CFAP47: variants seen among roughly 807,000 people sequenced by gnomAD.
CFAP47 encodes the protein cilia- and flagella-associated protein 47.
CFAP47 carries 29 observed loss-of-function variants against 148.1 expected under a neutral mutation model. The ratio of observed to expected loss-of-function variants is 0.20; its 90% CI spans 0.15 to 0.27. CFAP47 has a LOEUF of 0.27. Ranked by LOEUF, CFAP47 falls within the 10% of genes least tolerant of loss-of-function variation. CFAP47 has a pLI of 1.00. For synonymous variants in CFAP47, 664 were observed against 577.3 expected (o/e 1.15, Z -2.15); for missense variants, 1,872 against 1,697.5 (o/e 1.10, Z -1.81).
intron 37 of CFAP47, 118 bp from the exon 38 acceptor site, chrX:36,159,308 G>C (rs925897557): frequency 3.5e-6 from 1 of 289,674 alleles, no homozygotes; most frequent in Non-Finnish European, 6.1e-6. Context: ...GATAACTGCA[G>C]CTGAAGTGAG....
chrX:36,118,787 C>T (rs1303828559), intron 33 of CFAP47, among the ~76,000 whole-genome samples: 1 of 111,876 alleles, frequency 8.9e-6, no homozygotes, highest in Non-Finnish European at 1.9e-5. Context: ...AAACATTTTA[C>T]ATCTTTAGTT....
At position 36,236,928 on chromosome X, in the gene CFAP47, TACAA is replaced by T. The variant is rs1420912924; in HGVS notation, c.7332+74_7332+77del. ...AGTGAATCACATGAAATATAATAAT[TACAA>T]ACAATTTTTTAAACATTTAGTTTTA... On this transcript the variant is annotated intron_variant, in intron 48 of 63. Coordinates refer to ENST00000378653, the MANE Select transcript of CFAP47 (RefSeq NM_001304548.2). The T allele has an allele frequency of 7.3e-6, 3 of 410,038 alleles. No homozygotes were observed. The African/African-American group carries it at 7.8e-5, about 11-fold the overall frequency. The allele number at this position is 410,038 out of a possible 1,213,427, so 33.8% of individuals were successfully genotyped here. A position where few individuals can be genotyped will look rare whatever the true frequency, so the allele number is the denominator to read the frequency against.
chrX:36,067,731 T>G (rs183182623), intron 27 of CFAP47, among the ~76,000 whole-genome samples: 4 of 106,406 alleles, frequency 3.8e-5, no homozygotes, highest in Non-Finnish European at 3.9e-5. Context: ...GGCATGATCT[T>G]GGCTCACTGC....
At chrX:36,171,016 G>T (rs771835702) in intron 39 of CFAP47, among the ~76,000 whole-genome samples, 22 of 111,204 alleles carry the variant, frequency 2.0e-4, no homozygotes, top group African/African-American at 6.6e-4. Flanking sequence ...GTATCTCATT[G>T]TGGTTTTGAT....
At chrX:36,042,093 G>A (rs1041070024) in intron 25 of CFAP47, among the ~76,000 whole-genome samples, 1 of 111,030 alleles carries the variant, frequency 9.0e-6, no homozygotes, top group Non-Finnish European at 1.9e-5. Flanking sequence ...AAAGGTATGT[G>A]ATATAATTTT....
At chrX:35,948,665 T>C (rs1936119638) in intron 4 of CFAP47, among the ~76,000 whole-genome samples, 1 of 111,596 alleles carries the variant, frequency 9.0e-6, no homozygotes, top group Admixed American at 9.6e-5. Flanking sequence ...ATCTTCTATT[T>C]TGAATTTCAT....
intron 33 of CFAP47, among the ~76,000 whole-genome samples, chrX:36,114,942 G>T (rs1938615304): frequency 8.9e-6 from 1 of 112,127 alleles, no homozygotes; most frequent in African/African-American, 3.2e-5. Context: ...AGTGGTGGAG[G>T]CAACTTGGCT....
chrX:36,326,939 A>G (rs1005231980), intron 57 of CFAP47, among the ~76,000 whole-genome samples: 3 of 111,719 alleles, frequency 2.7e-5, no homozygotes, highest in African/African-American at 9.8e-5. Context: ...TCCTTTCACC[A>G]TATACAAAAA....
At chrX:36,329,991 AATTAT>A (rs1941551022) in intron 57 of CFAP47, among the ~76,000 whole-genome samples, 1 of 112,351 alleles carries the variant, frequency 8.9e-6, no homozygotes, top group South Asian at 3.6e-4. Flanking sequence ...AATGTGTAAT[AATTAT>A]ATTCTTTATT....
chrX:35,957,641 C>T (rs1254258647), intron 8 of CFAP47, among the ~76,000 whole-genome samples: 2 of 111,634 alleles, frequency 1.8e-5, no homozygotes, highest in Non-Finnish European at 3.8e-5. Context: ...TTAAACCTAC[C>T]GACTCAATTA....
intron 21 of CFAP47, among the ~76,000 whole-genome samples, chrX:36,012,131 A>G (rs942469800): frequency 3.6e-5 from 4 of 111,790 alleles, no homozygotes; most frequent in Admixed American, 1.9e-4. Context: ...ATCTGATGCC[A>G]GTCAGAATGG....
rs1569324339 is a variant in CFAP47, at chrX:36,353,566, G to A, written c.8736G>A (p.Glu2912=). Reference sequence around the variant, plus strand: ...GTCAGTCCAGGAAGCGGGCAGAAGAGAAGGTAGAAATCATACTGAATGCTG... The same window carrying A: ...GTCAGTCCAGGAAGCGGGCAGAAGAAAAGGTAGAAATCATACTGAATGCTG... The part of the protein sequence containing the change: ...IQCQSRKRAE[E]KVEIILNAGF... The change falls in exon 60 of 64, where the codon GAG becomes GAA. Residue 2912 remains glutamate (E), a synonymous_variant. Transcript: ENST00000378653. 2.6e-6 allele frequency: 3 copies of A among 1,165,054 alleles called. No homozygotes were observed. In the Admixed American group the frequency reaches 7.8e-5, roughly 30 times the overall value.
At chrX:36,050,800 G>T (rs1191761840) in intron 26 of CFAP47, among the ~76,000 whole-genome samples, 1 of 111,874 alleles carries the variant, frequency 8.9e-6, no homozygotes, top group African/African-American at 3.3e-5. Context: ...TCACAGGCCT[G>T]GATGCCTAAG....
chrX:36,166,328 T>A (rs1483623173), intron 39 of CFAP47, among the ~76,000 whole-genome samples: 1 of 111,580 alleles, frequency 9.0e-6, no homozygotes, highest in Non-Finnish European at 1.9e-5. Flanking sequence ...GTGTAATCTC[T>A]ACCAATCTTC....
At chrX:35,937,287 C>A (rs1935932516) in intron 2 of CFAP47, among the ~76,000 whole-genome samples, 2 of 108,074 alleles carry the variant, frequency 1.9e-5, no homozygotes, top group African/African-American at 6.7e-5. Context: ...CCCAGGCTGG[C>A]ATTGTCTGGC....
At chrX:36,330,728 G>C (rs146033254) in intron 57 of CFAP47, among the ~76,000 whole-genome samples, 1 of 111,737 alleles carries the variant, frequency 8.9e-6, no homozygotes, top group Admixed American at 9.5e-5. Flanking sequence ...ATAGCTGAAC[G>C]TGGCTGGAGG....
chrX:36,106,581 C>A (rs1207813473), intron 33 of CFAP47, among the ~76,000 whole-genome samples: 1 of 111,537 alleles, frequency 9.0e-6, no homozygotes, highest in Non-Finnish European at 1.9e-5. Flanking sequence ...TGTGTCCTCA[C>A]GTGGCAGAAG....
chrX:36,264,218 A>C, intron 49 of CFAP47, among the ~76,000 whole-genome samples: 1 of 111,751 alleles, frequency 8.9e-6, no homozygotes, highest in South Asian at 3.8e-4. Context: ...CGAGCCTTGC[A>C]GCCTGGGGTT....
Position 36,014,893 on chromosome X carries a change from A to G in CFAP47, c.3537A>G (p.Pro1179=), listed in dbSNP as rs1038391210. The stretch of plus-strand genomic sequence containing the variant: ...CAAAAACAGTACCACTTATCCGACC[A>G]TGTTACGTTCAAGCTACTGGTATGT... ...SNPKTVPLIR[P]CYVQATALQS... is the part of the protein sequence containing the mutation. The change falls in exon 22 of 64, where the codon CCA becomes CCG. Residue 1179 remains proline (P), a synonymous_variant. Transcript: ENST00000378653. 2 of 293,268 alleles carry G rather than the reference A, an allele frequency of 6.8e-6. No homozygotes were observed. Among genetic ancestry groups the G allele is most frequent in the Non-Finnish European group, 1.2e-5 (2 of 168,182 alleles). The allele number at this position is 293,268 out of a possible 1,213,427, so 24.2% of individuals were successfully genotyped here.
Sources: allele counts gnomAD v4.1 joint callset (sites outside exome capture counted in the v4.1 genomes callset), GRCh38; gene constraint gnomAD v4.1.1; transcripts MANE v1.5; gene names NCBI Gene and HGNC (gene_info 2026-07-23, HGNC 2026-07-21).